TG: variants seen among roughly 807,000 people sequenced by gnomAD.
TG encodes thyroglobulin.
Under a neutral mutation model 324.7 loss-of-function variants are expected in TG, and 270 were observed. The ratio of observed to expected loss-of-function variants is 0.83; its 90% CI spans 0.75 to 0.92. The LOEUF (loss-of-function observed/expected upper bound fraction) is 0.92, where lower values mean the gene tolerates loss of function less well. Among genes scored for constraint, TG ranks in the 40% least tolerant of loss-of-function variants. The pLI is 0.00. For missense variants in TG, 3,591 were observed against 3,456.4 expected (o/e 1.04, Z -0.98); for synonymous variants, 1,401 against 1,327.0 (o/e 1.06, Z -1.21).
At chr8:132,945,550 A>C (rs988369067) in intron 26 of TG, among the ~76,000 whole-genome samples, 2 of 152,174 alleles carry the variant, frequency 1.3e-5, no homozygotes, top group Non-Finnish European at 2.9e-5. Context: ...GAGAGCTCAG[A>C]AGGGAAGTGT....
At chr8:132,974,350 A>C (rs1829936543) in intron 34 of TG, among the ~76,000 whole-genome samples, 1 of 152,206 alleles carries the variant, frequency 6.6e-6, no homozygotes, top group East Asian at 1.9e-4. Context: ...AGAGAGAAGA[A>C]ATTACATTCT....
At chr8:133,127,758 C>A (rs1302202762) in intron 45 of TG, among the ~76,000 whole-genome samples, 1 of 152,120 alleles carries the variant, frequency 6.6e-6, no homozygotes, top group African/African-American at 2.4e-5. Flanking sequence ...GTGAGGCCAG[C>A]GCCTTGGGGA....
intron 34 of TG, among the ~76,000 whole-genome samples, chr8:132,981,271 T>C (rs1462601921): frequency 1.3e-5 from 2 of 152,352 alleles, no homozygotes; most frequent in East Asian, 3.9e-4. Context: ...GCCACCATTC[T>C]CATAGTGTTC....
intron 35 of TG, among the ~76,000 whole-genome samples, chr8:132,986,517 C>G (rs933021626): frequency 1.8e-4 from 28 of 151,960 alleles, no homozygotes; most frequent in African/African-American, 6.8e-4. Context: ...TTCTATGTTC[C>G]TACTCTCACG....
chr8:133,019,811 T>G (rs1316394373), intron 39 of TG, 116 bp downstream of exon 39: 3 of 854,408 alleles, frequency 3.5e-6, no homozygotes, highest in Non-Finnish European at 5.6e-6. Flanking sequence ...TGAGCTGAGG[T>G]TAGGTGATTT....
At chr8:133,002,999 A>G in intron 35 of TG, 1 of 1,024,360 alleles carries the variant, frequency 9.8e-7, no homozygotes. Flanking sequence ...TACCTGGCCA[A>G]ACGAACAACT....
chr8:133,108,293 C>T (rs1477653540), intron 43 of TG, among the ~76,000 whole-genome samples: 3 of 152,006 alleles, frequency 2.0e-5, no homozygotes, highest in Non-Finnish European at 4.4e-5. Flanking sequence ...GCCTGGGGAC[C>T]ACTCCTTTAT....
chr8:132,904,445 C>G (rs533921561), intron 16 of TG, among the ~76,000 whole-genome samples: 3 of 152,354 alleles, frequency 2.0e-5, no homozygotes, highest in East Asian at 1.9e-4. Flanking sequence ...AGTGTACTCT[C>G]TGGGGCTGGG....
At chr8:133,112,012 G>A (rs1242328947) in intron 43 of TG, among the ~76,000 whole-genome samples, 6 of 152,132 alleles carry the variant, frequency 3.9e-5, no homozygotes, top group African/African-American at 1.2e-4. Context: ...GAGTGGCTAC[G>A]TTCACCCAGG....
intron 2 of TG, among the ~76,000 whole-genome samples, chr8:132,868,746 G>GA (rs924320853): frequency 2.0e-5 from 3 of 152,172 alleles, no homozygotes; most frequent in Non-Finnish European, 2.9e-5. Flanking sequence ...CTCTGAAAGG[G>GA]GTTTCTCCAG....
rs1449150088 is a variant in TG at position 133,077,193 on chromosome 8, A to G, written c.7240-17851A>G. ...GCAGAAGGGACTGCTGGTTTCACAC[A>G]AGCTTTAAAAGTTTTTGGGAAAGAC... On this transcript the variant is annotated intron_variant, in intron 41 of 47. Coordinates refer to ENST00000220616, the MANE Select transcript of TG (RefSeq NM_003235.5). 3.3e-5 allele frequency among the ~76,000 whole-genome samples: 5 copies of G among 152,194 alleles called. No individual in the cohort carries two copies. The South Asian group carries it at 8.3e-4, about 25-fold the overall frequency.
At chr8:132,931,745 G>A (rs909763861) in intron 23 of TG, among the ~76,000 whole-genome samples, 2 of 152,094 alleles carry the variant, frequency 1.3e-5, no homozygotes, top group Non-Finnish European at 2.9e-5. Context: ...GATTAGGTTA[G>A]TTCAGTTAAG....
chr8:133,014,485 T>C (rs1054669709), intron 37 of TG, among the ~76,000 whole-genome samples: 8 of 152,228 alleles, frequency 5.3e-5, no homozygotes, highest in South Asian at 2.1e-4. Context: ...TTGGATGAAA[T>C]TGATGACTGT....
At position 132,989,084 on chromosome 8, in the gene TG, A is replaced by G. The variant is rs531273690; in HGVS notation, c.6262+5672A>G. 1.2e-4 allele frequency among the ~76,000 whole-genome samples: 19 copies of G among 152,334 alleles called. No individual in the cohort carries two copies. In the South Asian group the frequency reaches 1.7e-3, roughly 13 times the overall value. Reference sequence around the variant, plus strand: ...CAGCAGGCAAAGAGAGAGCTTGTGCAGGCAAAATGCCATTTTTAAAAGCCG... The same window carrying G: ...CAGCAGGCAAAGAGAGAGCTTGTGCGGGCAAAATGCCATTTTTAAAAGCCG... On this transcript the variant is annotated intron_variant, in intron 35 of 47. Coordinates refer to ENST00000220616, the MANE Select transcript of TG (RefSeq NM_003235.5).
intron 41 of TG, among the ~76,000 whole-genome samples, chr8:133,048,305 CCA>C (rs1020254841): frequency 1.4e-4 from 21 of 152,148 alleles, no homozygotes; most frequent in African/African-American, 4.6e-4. Context: ...ACTGCATCCT[CCA>C]CCTTCCAGGT....
chr8:132,917,317 T>C (rs1205128350), intron 20 of TG, among the ~76,000 whole-genome samples: 1 of 151,822 alleles, frequency 6.6e-6, no homozygotes, highest in African/African-American at 2.4e-5. Context: ...CTGGCAGAAG[T>C]CTTGAAAGGT....
intron 35 of TG, among the ~76,000 whole-genome samples, chr8:132,987,290 G>A (rs892054529): frequency 6.6e-6 from 1 of 152,206 alleles, no homozygotes; most frequent in Non-Finnish European, 1.5e-5. Flanking sequence ...GTGAATCAGA[G>A]GGAGGGGATA....
chr8:133,069,180 CT>C (rs1480272671), intron 41 of TG, among the ~76,000 whole-genome samples: 1 of 152,254 alleles, frequency 6.6e-6, no homozygotes, highest in Non-Finnish European at 1.5e-5. Flanking sequence ...ACCCAGGCTT[CT>C]AGGCACAGGG....
chr8:133,030,105 T>C (rs967801293), intron 41 of TG, 82 bp downstream of exon 41: 1 of 1,547,224 alleles, frequency 6.5e-7, no homozygotes, highest in African/African-American at 1.4e-5. Flanking sequence ...AAAGTCTAGT[T>C]GGCTTCAATT....
Sources: allele counts gnomAD v4.1 joint callset (sites outside exome capture counted in the v4.1 genomes callset), GRCh38; gene constraint gnomAD v4.1.1; transcripts MANE v1.5; gene names NCBI Gene and HGNC (gene_info 2026-07-23, HGNC 2026-07-21).